The following EYS variants were observed in gnomAD, a reference collection of about 807,000 sequenced individuals.
EYS encodes protein eyes shut homolog.
A neutral mutation model predicts 282.1 loss-of-function variants in EYS; 250 were observed. That is an observed-to-expected ratio of 0.89 (90% CI 0.80 to 0.98). EYS has a LOEUF of 0.98. Among genes scored for constraint, EYS ranks in the 50% least tolerant of loss-of-function variants. The probability of loss-of-function intolerance (pLI) is 0.00; values close to 1 mark genes in which losing one functional copy is unlikely to be tolerated. For missense variants in EYS, 4,016 were observed against 3,709.0 expected (o/e 1.08, Z -2.15); for synonymous variants, 1,355 against 1,282.9 (o/e 1.06, Z -1.20).
chr6:63,832,272 C>G (rs1018784807), intron 36 of EYS, among the ~76,000 whole-genome samples: 1 of 151,980 alleles, frequency 6.6e-6, no homozygotes, highest in African/African-American at 2.4e-5. Context: ...ATCAATGAAT[C>G]CAGGAGCTGG....
intron 36 of EYS, among the ~76,000 whole-genome samples, chr6:63,852,089 G>T (rs369443345): frequency 1.4e-4 from 21 of 145,388 alleles, no homozygotes; most frequent in African/African-American, 5.4e-4. Flanking sequence ...CCCGGGAGGC[G>T]GAGCTTGCAG....
At chr6:64,450,013 C>A (rs1241213582) in intron 26 of EYS, among the ~76,000 whole-genome samples, 1 of 152,016 alleles carries the variant, frequency 6.6e-6, no homozygotes, top group African/African-American at 2.4e-5. Flanking sequence ...ACAATACTAA[C>A]CTTAAATGTA....
chr6:64,221,287 G>T (rs1252235867), intron 31 of EYS, among the ~76,000 whole-genome samples: 1 of 152,154 alleles, frequency 6.6e-6, no homozygotes, highest in Non-Finnish European at 1.5e-5. Context: ...GTAATGAGAG[G>T]TGATTAGGTC....
chr6:65,097,452 T>C (rs528525451), intron 12 of EYS, among the ~76,000 whole-genome samples: 1 of 151,022 alleles, frequency 6.6e-6, no homozygotes, highest in South Asian at 2.1e-4. Flanking sequence ...CCTCTCAAAA[T>C]GGTAAAAACA....
intron 16 of EYS, among the ~76,000 whole-genome samples, 169 bp from the exon 17 acceptor site, chr6:64,902,669 A>G (rs150556678): frequency 5.1e-4 from 77 of 152,290 alleles, no homozygotes; most frequent in African/African-American, 1.7e-3. Context: ...ATGTGTGCAT[A>G]AAAACATGCC....
chr6:64,045,029 T>A (rs1659737178), intron 33 of EYS, among the ~76,000 whole-genome samples: 1 of 152,128 alleles, frequency 6.6e-6, no homozygotes, highest in Non-Finnish European at 1.5e-5. Flanking sequence ...TTGTAATCAA[T>A]CCAGTGGAAA....
At chr6:65,141,846 T>C (rs1237633174) in intron 12 of EYS, among the ~76,000 whole-genome samples, 2 of 152,080 alleles carry the variant, frequency 1.3e-5, no homozygotes, top group Non-Finnish European at 2.9e-5. Context: ...AGCAATCCTA[T>C]CTTTCAGAAA....
rs2150063348 is a variant in EYS, at chr6:64,886,845, G to A, written c.2847-3C>T. The A allele has an allele frequency of 6.7e-7, 1 of 1,491,864 alleles. No homozygotes were observed. The highest frequency in any genetic ancestry group is 2.6e-5 in the East Asian group (1 of 38,730). 92.4% of individuals were successfully genotyped at this position (1,491,864 alleles called of 1,614,324 possible). A position where few individuals can be genotyped will look rare whatever the true frequency, so the allele number is the denominator to read the frequency against. ...CAGGTTCACAATTACAAAAAAATCT[G>A]GAGAAAAGTGGAGAAATGAGGAATA... On this transcript the variant is annotated splice_polypyrimidine_tract_variant and splice_region_variant and intron_variant, in intron 18 of 42. Transcript: ENST00000503581.
chr6:64,084,121 A>T (rs1772069582), intron 31 of EYS, among the ~76,000 whole-genome samples: 2 of 152,238 alleles, frequency 1.3e-5, no homozygotes, highest in African/African-American at 4.8e-5. Context: ...ATTTAAATTT[A>T]AGAATCCTGT....
chr6:65,220,975 G>C (rs1766448289), intron 12 of EYS, among the ~76,000 whole-genome samples: 1 of 152,172 alleles, frequency 6.6e-6, no homozygotes, highest in Admixed American at 6.6e-5. Context: ...TTGAACTTGA[G>C]AGAGATGATT....
chr6:65,286,302 C>T (rs1768359906), intron 12 of EYS, among the ~76,000 whole-genome samples: 1 of 151,662 alleles, frequency 6.6e-6, no homozygotes, highest in Non-Finnish European at 1.5e-5. Context: ...ACTTGTCTTT[C>T]TCTCACTTCT....
At chr6:64,207,198 A>G (rs1261514148) in intron 31 of EYS, among the ~76,000 whole-genome samples, 1 of 151,870 alleles carries the variant, frequency 6.6e-6, no homozygotes, top group African/African-American at 2.4e-5. Flanking sequence ...TTATCCTGGG[A>G]GTGGGTTAAT....
intron 31 of EYS, among the ~76,000 whole-genome samples, chr6:64,146,882 A>T (rs1204409514): frequency 6.6e-6 from 1 of 152,178 alleles, no homozygotes; most frequent in East Asian, 1.9e-4. Context: ...AATTTAAAGC[A>T]TCTAATGGGT....
At chr6:63,987,765 A>G (rs1396633281) in intron 34 of EYS, among the ~76,000 whole-genome samples, 1 of 151,638 alleles carries the variant, frequency 6.6e-6, no homozygotes, top group Non-Finnish European at 1.5e-5. Flanking sequence ...TTAAAAAACT[A>G]AAGCCAAATA....
At chr6:65,351,813 TC>T (rs552550643) in intron 9 of EYS, among the ~76,000 whole-genome samples, 12 of 151,698 alleles carry the variant, frequency 7.9e-5, no homozygotes, top group Non-Finnish European at 1.8e-4. Context: ...TCACTACAAT[TC>T]CAGTTTGATT....
chr6:63,887,265 C>G (rs1319849451), intron 35 of EYS, among the ~76,000 whole-genome samples: 1 of 147,266 alleles, frequency 6.8e-6, no homozygotes, highest in Non-Finnish European at 1.5e-5. Context: ...CATTAAGTGA[C>G]TAAAACTGAG....
chr6:64,128,277 C>T (rs1307165820), intron 31 of EYS, among the ~76,000 whole-genome samples: 1 of 152,032 alleles, frequency 6.6e-6, no homozygotes, highest in African/African-American at 2.4e-5. Flanking sequence ...TGCATCATTG[C>T]CCCTAACTGC....
intron 14 of EYS, among the ~76,000 whole-genome samples, chr6:64,966,886 C>A (rs758329750): frequency 3.3e-5 from 5 of 152,004 alleles, no homozygotes; most frequent in African/African-American, 4.8e-5. Flanking sequence ...GGAATTGGAA[C>A]CTCATCTCTT....
intron 26 of EYS, among the ~76,000 whole-genome samples, chr6:64,474,181 T>C (rs1335263610): frequency 6.6e-6 from 1 of 152,178 alleles, no homozygotes; most frequent in Non-Finnish European, 1.5e-5. Context: ...TTATCCACTG[T>C]AGTGAGCTAT....
Sources: gnomAD v4.1 joint callset for allele counts (sites outside exome capture counted in the v4.1 genomes callset) on GRCh38, gnomAD v4.1.1 for gene constraint, MANE v1.5 for transcripts, NCBI Gene and HGNC (gene_info 2026-07-23, HGNC 2026-07-21) for gene names.